Variants in AFF3 observed in about 807,000 individuals in gnomAD.
AFF3 encodes ALF transcription elongation factor 3.
In AFF3, 32 loss-of-function variants were observed where a neutral mutation model predicts 129.7. That is an observed-to-expected ratio of 0.25 (90% CI 0.19 to 0.33). The LOEUF (loss-of-function observed/expected upper bound fraction) is 0.33. AFF3 is among the 10% of genes least tolerant of loss of function. The pLI is 1.00. For missense variants in AFF3, 1,373 were observed against 1,592.0 expected, an observed-to-expected ratio of 0.86 and a Z score of 2.34; for synonymous variants, 644 against 635.4, an observed-to-expected ratio of 1.01 and a Z score of -0.20.
Position 100,007,357 on chromosome 2 carries a change from A to G in AFF3, c.278T>C (p.Val93Ala), listed in dbSNP as rs766604651. 3 of 1,614,174 alleles carry G rather than the reference A, an allele frequency of 1.9e-6. No individual in the cohort carries two copies. Among genetic ancestry groups the G allele is most frequent in the Admixed American group, 1.7e-5 (1 of 60,018 alleles). The part of the protein sequence containing the change: ...LTDRSNQSHL[V>A]GVPKPGVPQT... ...AGGAACCCCAGGTTTGGGAACTCCAACGAGATGACTCTGATTGGATCTATC... is the reference window on the plus strand; with the variant it reads ...AGGAACCCCAGGTTTGGGAACTCCAGCGAGATGACTCTGATTGGATCTATC... Residue 93 changes from valine to alanine, a missense_variant, in exon 6 of 25, where the codon GTT becomes GCT. By Grantham distance (64) the Val-to-Ala change is moderately conservative (BLOSUM62 0). Around this residue, in one of 9 missense-constraint regions of AFF3, gnomAD observed 255 missense variants for 256.0 expected, o/e 1.00. Transcript: ENST00000672756.
At chr2:99,834,711 C>A (rs1688740223) in intron 8 of AFF3, among the ~76,000 whole-genome samples, 1 of 152,196 alleles carries the variant, frequency 6.6e-6, no homozygotes, top group African/African-American at 2.4e-5. Context: ...AATCTCATTC[C>A]TTGGATTCCA....
At chr2:99,675,439 C>T (rs1267944032) in intron 11 of AFF3, among the ~76,000 whole-genome samples, 2 of 152,170 alleles carry the variant, frequency 1.3e-5, no homozygotes, top group East Asian at 3.9e-4. Flanking sequence ...CAGAGGTACA[C>T]CCTGAGGAGA....
At chr2:100,123,468 T>C (rs1274650157) in intron 2 of AFF3, among the ~76,000 whole-genome samples, 1 of 152,178 alleles carries the variant, frequency 6.6e-6, no homozygotes, top group Non-Finnish European at 1.5e-5. Flanking sequence ...TCACTTTACA[T>C]TGAAATGTGT....
intron 7 of AFF3, among the ~76,000 whole-genome samples, chr2:99,997,475 A>ACC (rs35522930): frequency 0.012 from 1,536 of 128,032 alleles, 24 homozygotes; most frequent in African/African-American, 0.039. Flanking sequence ...AGCAACTATC[A>ACC]CCCCCCCCCC....
chr2:100,039,121 G>A (rs2105033972), intron 4 of AFF3, among the ~76,000 whole-genome samples: 1 of 152,256 alleles, frequency 6.6e-6, no homozygotes, highest in East Asian at 1.9e-4. Context: ...TAAAATTTTT[G>A]TAGTTAAGTG....
Position 99,967,404 on chromosome 2 carries a change from C to T in AFF3, c.873+39228G>A, listed in dbSNP as rs113024678. On this transcript the variant is annotated intron_variant, in intron 7 of 24. Coordinates refer to ENST00000672756, the MANE Select transcript of AFF3 (RefSeq NM_001386135.1). ...TGCCTGCCTGACTCTTTCCTATGGACGTTCCACTGTTGCATTAAATTTGAA... is the reference window on the plus strand; with the variant it reads ...TGCCTGCCTGACTCTTTCCTATGGATGTTCCACTGTTGCATTAAATTTGAA... Among the ~76,000 whole-genome samples, 385 of 152,252 alleles carry T rather than the reference C, an allele frequency of 2.5e-3. 3 individuals are homozygous for T. The highest frequency in any genetic ancestry group is 9.5e-3 in the South Asian group (46 of 4,818).
rs1224287793 is a variant in AFF3 at position 99,815,004 on chromosome 2, C to T, written c.921+22473G>A. Among the ~76,000 whole-genome samples, 4 of 151,774 alleles carry T rather than the reference C, an allele frequency of 2.6e-5. No individual in the cohort carries two copies. In the East Asian group the frequency reaches 7.7e-4, roughly 29 times the overall value. Reference sequence around the variant, plus strand: ...AGCTGGGATTACAGGCGTGTACCATCCCCCCCGGCTGATTTTTGTATTAAA... The same window carrying T: ...AGCTGGGATTACAGGCGTGTACCATTCCCCCCGGCTGATTTTTGTATTAAA... On this transcript the variant is annotated intron_variant, in intron 8 of 24. Coordinates refer to ENST00000672756, the MANE Select transcript of AFF3 (RefSeq NM_001386135.1).
intron 8 of AFF3, among the ~76,000 whole-genome samples, chr2:99,806,857 T>A (rs1473284224): frequency 1.3e-5 from 2 of 152,196 alleles, no homozygotes; most frequent in Non-Finnish European, 2.9e-5. Flanking sequence ...CACAGTAAAA[T>A]ACATTTGTGT....
chr2:99,837,584 C>T (rs1055467429), intron 7 of AFF3, 60 bp from the exon 8 acceptor site: 1 of 1,516,650 alleles, frequency 6.6e-7, no homozygotes, highest in Non-Finnish European at 9.0e-7. Context: ...ACACAGAAGA[C>T]ATGCAAGGTT....
intron 7 of AFF3, among the ~76,000 whole-genome samples, chr2:99,966,644 C>T (rs1457972693): frequency 1.6e-5 from 2 of 125,522 alleles, no homozygotes; most frequent in South Asian, 2.7e-4. Context: ...GAGCCGAGAT[C>T]CCGCCACTGC....
intron 7 of AFF3, among the ~76,000 whole-genome samples, chr2:99,998,755 C>T (rs982211231): frequency 6.6e-6 from 1 of 152,044 alleles, no homozygotes; most frequent in African/African-American, 2.4e-5. Flanking sequence ...TGCAGCATTC[C>T]CATGAATAAC....
intron 15 of AFF3, among the ~76,000 whole-genome samples, chr2:99,591,986 G>A (rs1460688711): frequency 6.6e-6 from 1 of 152,174 alleles, no homozygotes; most frequent in Non-Finnish European, 1.5e-5. Context: ...ATACCTGTGA[G>A]CTGTTGTTAC....
At chr2:99,598,999 T>C (rs1381355887) in intron 14 of AFF3, among the ~76,000 whole-genome samples, 1 of 152,244 alleles carries the variant, frequency 6.6e-6, no homozygotes, top group Non-Finnish European at 1.5e-5. Context: ...GGCTAACACA[T>C]CACCTGCTGC....
At chr2:99,826,133 G>A (rs892472799) in intron 8 of AFF3, among the ~76,000 whole-genome samples, 2 of 152,044 alleles carry the variant, frequency 1.3e-5, no homozygotes, top group East Asian at 3.9e-4. Flanking sequence ...TCATGCCTCA[G>A]CCTCCTGAGT....
Position 99,678,961 on chromosome 2 carries a change from T to G in AFF3, c.1092-6372A>C, listed in dbSNP as rs559724846. On this transcript the variant is annotated intron_variant, in intron 11 of 24. Transcript: ENST00000672756. ...CAAGTAACCACCTTCTTCTCAGCGTTTGTTCGGAAGAACTTAGCTCATGCC... is the reference window on the plus strand; with the variant it reads ...CAAGTAACCACCTTCTTCTCAGCGTGTGTTCGGAAGAACTTAGCTCATGCC... Among the ~76,000 whole-genome samples the G allele has an allele frequency of 4.6e-5, 7 of 152,350 alleles. 1 individual carries two copies. The South Asian group carries it at 1.4e-3, about 32-fold the overall frequency.
intron 4 of AFF3, among the ~76,000 whole-genome samples, chr2:100,069,113 C>A (rs1325204989): frequency 2.6e-5 from 4 of 152,038 alleles, no homozygotes; most frequent in Admixed American, 2.0e-4. Context: ...TCCTCCCAAC[C>A]TCCACCCTCC....
At chr2:99,814,231 AACCACCACCACC>A (rs60855066) in intron 8 of AFF3, among the ~76,000 whole-genome samples, 24 of 150,938 alleles carry the variant, frequency 1.6e-4, no homozygotes, top group Admixed American at 6.6e-4. Context: ...TAATCACACA[AACCACCACCACC>A]ACCACCACCA....
rs569117596 is a variant in AFF3, at chr2:99,870,854, T to C, written c.874-33330A>G. Among the ~76,000 whole-genome samples, 12 of 152,330 alleles carry C rather than the reference T, an allele frequency of 7.9e-5. No individual in the cohort carries two copies. The South Asian group carries it at 8.3e-4, about 11-fold the overall frequency. On this transcript the variant is annotated intron_variant, in intron 7 of 24. Coordinates refer to ENST00000672756, the MANE Select transcript of AFF3 (RefSeq NM_001386135.1). ...TTGATTTAAATACCATAATATGTCA[T>C]TTAAAATGTGGACTCTGGAACTGGG...
intron 7 of AFF3, among the ~76,000 whole-genome samples, chr2:99,843,641 A>ACTGTATTTAT (rs1360678829): frequency 6.6e-6 from 1 of 152,202 alleles, no homozygotes; most frequent in African/African-American, 2.4e-5. Context: ...AAATAAGTCA[A>ACTGTATTTAT]CTGTATTTAT....
Sources: gnomAD v4.1 joint callset for allele counts (sites outside exome capture counted in the v4.1 genomes callset) on GRCh38, gnomAD v4.1.1 for gene constraint, gnomAD v4.1.1 regional missense constraint, MANE v1.5 for transcripts, NCBI Gene and HGNC (gene_info 2026-07-23, HGNC 2026-07-21) for gene names.